Variants in COL25A1 observed in about 807,000 individuals in gnomAD.
COL25A1 encodes collagen type XXV alpha 1 chain, also known as collagen alpha-1(XXV) chain.
In COL25A1, 103 loss-of-function variants were observed where a neutral mutation model predicts 128.4. The observed-to-expected ratio is 0.80, with a 90% confidence interval of 0.68 to 0.94. COL25A1 has a LOEUF of 0.94. COL25A1 is among the 40% of genes least tolerant of loss of function. The pLI is 0.00. For missense variants in COL25A1, 745 were observed against 840.0 expected (o/e 0.89, Z 1.40); for synonymous variants, 279 against 277.2 (o/e 1.01, Z -0.06).
At chr4:109,042,113 CT>C (rs1560585350) in intron 5 of COL25A1, among the ~76,000 whole-genome samples, 1 of 151,982 alleles carries the variant, frequency 6.6e-6, no homozygotes, top group Non-Finnish European at 1.5e-5. Flanking sequence ...CAATTTGCAG[CT>C]CTTTGCCCCT....
intron 19 of COL25A1, among the ~76,000 whole-genome samples, chr4:108,881,869 G>C (rs1740167858): frequency 6.6e-6 from 1 of 152,106 alleles, no homozygotes. Flanking sequence ...ACCAAAAATA[G>C]AGCCTAAGAT....
At chr4:109,132,203 T>C (rs1192282128) in intron 3 of COL25A1, among the ~76,000 whole-genome samples, 1 of 152,170 alleles carries the variant, frequency 6.6e-6, no homozygotes, top group Non-Finnish European at 1.5e-5. Flanking sequence ...CTTTAAATAG[T>C]CTACAGTCTA....
intron 3 of COL25A1, among the ~76,000 whole-genome samples, chr4:109,131,681 A>G (rs531002878): frequency 4.6e-5 from 7 of 152,310 alleles, no homozygotes; most frequent in South Asian, 4.2e-4. Flanking sequence ...TATATTCAGG[A>G]GAGCAGGAGT....
intron 3 of COL25A1, among the ~76,000 whole-genome samples, chr4:109,269,261 C>T (rs901418416): frequency 4.7e-5 from 7 of 150,226 alleles, no homozygotes; most frequent in East Asian, 1.9e-4. Flanking sequence ...AGGACATGAA[C>T]GCATTATTTT....
intron 3 of COL25A1, among the ~76,000 whole-genome samples, chr4:109,276,429 A>G (rs1722853306): frequency 6.7e-6 from 1 of 148,200 alleles, no homozygotes; most frequent in Non-Finnish European, 1.5e-5. Context: ...AAAAAAAAAA[A>G]TTGTCTTATT....
At chr4:109,093,543 G>T (rs962492222) in intron 3 of COL25A1, among the ~76,000 whole-genome samples, 1 of 151,790 alleles carries the variant, frequency 6.6e-6, no homozygotes, top group African/African-American at 2.4e-5. Flanking sequence ...AGGCTGAGGT[G>T]AGAGGATTGC....
chr4:108,964,083 G>C (rs888172750), intron 8 of COL25A1, among the ~76,000 whole-genome samples: 1 of 149,076 alleles, frequency 6.7e-6, no homozygotes, highest in Non-Finnish European at 1.5e-5. Flanking sequence ...ATTAAATAAT[G>C]TGAATATTAA....
At position 109,015,322 on chromosome 4, in the gene COL25A1, G is replaced by C. The variant is rs145822695; in HGVS notation, c.421-4947C>G. 2.3e-3 allele frequency among the ~76,000 whole-genome samples: 349 copies of C among 152,316 alleles called. 5 individuals are homozygous for C. The East Asian group carries it at 0.034, about 15-fold the overall frequency. On this transcript the variant is annotated intron_variant, in intron 5 of 37. Transcript: ENST00000399132. ...TAGTGACCACTATTAATAATTAACTGTGAAGGTTAACTTTTTCTAAAGGAC... is the reference window on the plus strand; with the variant it reads ...TAGTGACCACTATTAATAATTAACTCTGAAGGTTAACTTTTTCTAAAGGAC...
intron 11 of COL25A1, among the ~76,000 whole-genome samples, chr4:108,929,495 C>A (rs1037320435): frequency 6.6e-6 from 1 of 151,740 alleles, no homozygotes; most frequent in Non-Finnish European, 1.5e-5. Flanking sequence ...TTATAACGTG[C>A]ATATTTATAA....
chr4:108,958,071 C>T (rs951884181), intron 8 of COL25A1, among the ~76,000 whole-genome samples: 6 of 151,912 alleles, frequency 3.9e-5, no homozygotes, highest in Non-Finnish European at 7.4e-5. Flanking sequence ...AACTTTTGGA[C>T]GATCTCATTA....
chr4:108,920,483 C>T, intron 12 of COL25A1, 95 bp downstream of exon 12: 1 of 837,386 alleles, frequency 1.2e-6, no homozygotes, highest in Non-Finnish European at 1.8e-6. Flanking sequence ...ACTGCTTCAG[C>T]ATGGCTTACA....
chr4:108,834,319 C>CAA, intron 31 of COL25A1: 1 of 1,548,678 alleles, frequency 6.5e-7, no homozygotes, highest in Non-Finnish European at 8.7e-7. Flanking sequence ...TTCACAGCCA[C>CAA]AAAACATGTC....
intron 3 of COL25A1, among the ~76,000 whole-genome samples, chr4:109,262,954 AC>A (rs1050502974): frequency 1.1e-3 from 174 of 152,130 alleles, no homozygotes; most frequent in African/African-American, 4.1e-3. Flanking sequence ...ACATGGTGAA[AC>A]CCCATCTTTA....
intron 6 of COL25A1, among the ~76,000 whole-genome samples, chr4:109,001,380 T>TGAGATCCTGTCAGGTAGGCATCC (rs1160264608): frequency 2.0e-5 from 3 of 152,180 alleles, no homozygotes; most frequent in Non-Finnish European, 2.9e-5. Flanking sequence ...AACAGGCATC[T>TGAGATCCTGTCAGGTAGGCATCC]GAGATCCTGT....
At chr4:109,131,774 A>G (rs1579465275) in intron 3 of COL25A1, among the ~76,000 whole-genome samples, 1 of 152,204 alleles carries the variant, frequency 6.6e-6, no homozygotes, top group African/African-American at 2.4e-5. Flanking sequence ...CCCATTCACC[A>G]GGAACCCAGA....
intron 31 of COL25A1, among the ~76,000 whole-genome samples, chr4:108,838,957 C>G (rs1734114611): frequency 6.6e-6 from 1 of 151,610 alleles, no homozygotes; most frequent in African/African-American, 2.4e-5. Context: ...AAGTTCTGAC[C>G]TGTATACTTT....
At chr4:109,071,271 C>T (rs944624311) in intron 3 of COL25A1, among the ~76,000 whole-genome samples, 2 of 152,142 alleles carry the variant, frequency 1.3e-5, no homozygotes, top group Non-Finnish European at 2.9e-5. Context: ...TGGATCCCTT[C>T]CTTATACCTT....
chr4:109,271,678 G>C (rs1347279819), intron 3 of COL25A1, among the ~76,000 whole-genome samples: 1 of 152,130 alleles, frequency 6.6e-6, no homozygotes, highest in Non-Finnish European at 1.5e-5. Flanking sequence ...CATCTTTCCA[G>C]GGAGTTCTTT....
intron 13 of COL25A1, among the ~76,000 whole-genome samples, chr4:108,904,613 G>A (rs1475371915): frequency 6.6e-6 from 1 of 151,982 alleles, no homozygotes; most frequent in African/African-American, 2.4e-5. Context: ...CAAAAAAAAT[G>A]GGAACCAGGT....
Sources: allele counts gnomAD v4.1 joint callset (sites outside exome capture counted in the v4.1 genomes callset), GRCh38; gene constraint gnomAD v4.1.1; transcripts MANE v1.5; gene names NCBI Gene and HGNC (gene_info 2026-07-23, HGNC 2026-07-21).